NUP93: variants seen among roughly 807,000 people sequenced by gnomAD.
NUP93 encodes nucleoporin 93.
A neutral mutation model predicts 107.8 loss-of-function variants in NUP93; 55 were observed. The ratio of observed to expected loss-of-function variants is 0.51; its 90% confidence interval spans 0.41 to 0.64. The LOEUF (loss-of-function observed/expected upper bound fraction) is 0.64, where lower values mean the gene tolerates loss of function less well. Ranked by LOEUF, NUP93 falls within the 30% of genes least tolerant of loss-of-function variation. NUP93 has a pLI of 0.00. For synonymous variants in NUP93, 390 were observed against 397.5 expected, an observed-to-expected ratio of 0.98 and a Z score of 0.22; for missense variants, 937 against 1,044.7, an observed-to-expected ratio of 0.90 and a Z score of 1.42.
Position 56,832,038 on chromosome 16 carries a change from C to G in NUP93, c.1251+31C>G, listed in dbSNP as rs200526793. On this transcript the variant is annotated intron_variant, in intron 11 of 21. Coordinates refer to ENST00000308159, the MANE Select transcript of NUP93 (RefSeq NM_014669.5). ...CACTGTTTCCCCTGCCCACATAGGG[C>G]TTTACCCCTTTTCTGTGCTCAAGTC... 1.3e-4 allele frequency: 215 copies of G among 1,611,252 alleles called. No homozygotes were observed. The African/African-American group carries it at 2.3e-3, about 18-fold the overall frequency.
intron 1 of NUP93, among the ~76,000 whole-genome samples, chr16:56,737,837 C>T (rs779002134): frequency 2.6e-5 from 4 of 152,150 alleles, no homozygotes; most frequent in African/African-American, 4.8e-5. Flanking sequence ...TGTTAGAATC[C>T]GCACACCTTC....
intron 5 of NUP93, among the ~76,000 whole-genome samples, chr16:56,813,787 A>G (rs1963363517): frequency 6.6e-6 from 1 of 152,216 alleles, no homozygotes; most frequent in South Asian, 2.1e-4. Flanking sequence ...TACATATTTT[A>G]CAACTTCTCC....
At chr16:56,738,081 G>C (rs1318010758) in intron 1 of NUP93, among the ~76,000 whole-genome samples, 1 of 152,218 alleles carries the variant, frequency 6.6e-6, no homozygotes, top group Non-Finnish European at 1.5e-5. Context: ...AAATGGGGCT[G>C]TTTCCCAGGA....
At chr16:56,756,495 G>A (rs918519337) in intron 2 of NUP93, among the ~76,000 whole-genome samples, 19 of 151,962 alleles carry the variant, frequency 1.3e-4, no homozygotes, top group Admixed American at 5.2e-4. Context: ...ATGGCTGCGT[G>A]GTATTCCATG....
intron 8 of NUP93, among the ~76,000 whole-genome samples, chr16:56,826,976 G>C (rs1245682642): frequency 1.9e-4 from 28 of 143,870 alleles, no homozygotes; most frequent in African/African-American, 7.1e-4. Flanking sequence ...AACCCGGTGG[G>C]CAGAGGTTGC....
chr16:56,767,114 C>G (rs1962229360), intron 3 of NUP93, among the ~76,000 whole-genome samples: 1 of 152,254 alleles, frequency 6.6e-6, no homozygotes, highest in Admixed American at 6.5e-5. Flanking sequence ...GCCCTTGATT[C>G]TGACAGCTGC....
chr16:56,798,606 A>G lies in NUP93; in HGVS notation c.360+68A>G, dbSNP rs1051016024. On this transcript the variant is annotated intron_variant, in intron 4 of 21. Transcript: ENST00000308159. Reference sequence around the variant, plus strand: ...AAGAGGGCTGGGCGTGGTGGCTCACATCTGTAATCCTAACACTTTGGGAGG... The same window carrying G: ...AAGAGGGCTGGGCGTGGTGGCTCACGTCTGTAATCCTAACACTTTGGGAGG... 10 of 1,271,704 alleles carry G rather than the reference A, an allele frequency of 7.9e-6. No individual in the cohort carries two copies. The African/African-American group carries it at 1.5e-4, about 19-fold the overall frequency. The allele number at this position is 1,271,704 out of a possible 1,614,324, so 78.8% of individuals were successfully genotyped here. A position where few individuals can be genotyped will look rare whatever the true frequency, so the allele number is the denominator to read the frequency against.
chr16:56,801,447 C>T (rs1307372056), intron 4 of NUP93, among the ~76,000 whole-genome samples: 1 of 152,162 alleles, frequency 6.6e-6, no homozygotes, highest in African/African-American at 2.4e-5. Context: ...GGGTCTTGCT[C>T]TGTCACCCAG....
chr16:56,833,095 G>C lies in NUP93; in HGVS notation c.1346-120G>C, dbSNP rs1963828781. ...CCTTGATCAATTCAGACTCAATCTG[G>C]TGCTTTCTTCCTGTCCAGCAAGTCC... On this transcript the variant is annotated intron_variant, in intron 12 of 21. Coordinates refer to ENST00000308159, the MANE Select transcript of NUP93 (RefSeq NM_014669.5). 6.3e-6 allele frequency: 5 copies of C among 799,264 alleles called. No homozygotes were observed. The Admixed American group carries it at 1.3e-4, about 21-fold the overall frequency. 49.5% of individuals were successfully genotyped at this position (799,264 alleles called of 1,614,324 possible).
chr16:56,827,069 A>ATAAAAAAT (rs1963682285), intron 8 of NUP93, among the ~76,000 whole-genome samples: 1 of 125,664 alleles, frequency 8.0e-6, no homozygotes, highest in Admixed American at 9.4e-5. Context: ...AAAAAAAAAA[A>ATAAAAAAT]TTTTGTTGAG....
Position 56,844,928 on chromosome 16 carries a change from T to A in NUP93, c.*319T>A, listed in dbSNP as rs182559979. On this transcript the variant is annotated 3_prime_UTR_variant, in exon 22 of 22. Coordinates refer to ENST00000308159, the MANE Select transcript of NUP93 (RefSeq NM_014669.5). ...TAAATTGACCTTAATTAATTAAAAATCTACCCAAAATGAGCCAGGAAACAA... is the reference window on the plus strand; with the variant it reads ...TAAATTGACCTTAATTAATTAAAAAACTACCCAAAATGAGCCAGGAAACAA... 2.7e-6 allele frequency: 1 copy of A among 373,530 alleles called. No individual in the cohort carries two copies. The highest frequency in any genetic ancestry group is 4.6e-5 in the Admixed American group (1 of 21,968). The allele number at this position is 373,530 out of a possible 1,614,324, so 23.1% of individuals were successfully genotyped here.
chr16:56,794,090 GTAGA>G (rs369592998), intron 3 of NUP93, among the ~76,000 whole-genome samples: 6,967 of 75,900 alleles, frequency 0.092, 196 homozygotes, highest in Middle Eastern at 0.26. Context: ...AGGTAGGTAG[GTAGA>G]TAGATAGATA....
chr16:56,827,899 C>T (rs566851520), intron 8 of NUP93, among the ~76,000 whole-genome samples: 1 of 152,238 alleles, frequency 6.6e-6, no homozygotes, highest in South Asian at 2.1e-4. Context: ...GCGGGAGGAT[C>T]ACTTGAGGTC....
intron 9 of NUP93, among the ~76,000 whole-genome samples, chr16:56,829,657 A>G (rs2144626651): frequency 6.6e-6 from 1 of 152,312 alleles, no homozygotes; most frequent in East Asian, 1.9e-4. Flanking sequence ...AGTTTTGGAA[A>G]AGAGTATTCC....
At chr16:56,790,395 A>G (rs1162355706) in intron 3 of NUP93, among the ~76,000 whole-genome samples, 1 of 152,182 alleles carries the variant, frequency 6.6e-6, no homozygotes, top group African/African-American at 2.4e-5. Flanking sequence ...TCAGTAATGA[A>G]CATCTCTTTG....
chr16:56,751,446 T>C (rs1318868001), intron 2 of NUP93, among the ~76,000 whole-genome samples: 1 of 152,170 alleles, frequency 6.6e-6, no homozygotes, highest in Non-Finnish European at 1.5e-5. Context: ...CCTGTGAAAG[T>C]GTTATCTGTG....
Position 56,763,527 on chromosome 16 carries a change from T to C in NUP93, c.297+4872T>C, listed in dbSNP as rs377275792. Among the ~76,000 whole-genome samples, 3 of 126,426 alleles carry C rather than the reference T, an allele frequency of 2.4e-5. No homozygotes were observed. In the South Asian group the frequency reaches 7.7e-4, roughly 32 times the overall value. The allele number at this position is 126,426 out of a possible 152,430, so 82.9% of individuals were successfully genotyped here. A position where few individuals can be genotyped will look rare whatever the true frequency, so the allele number is the denominator to read the frequency against. Reference sequence around the variant, plus strand: ...GGGTGTGTGTGTGTATGTGTGGGTGTGTGTGTGTGTGTATGTAAATGCCCA... The same window carrying C: ...GGGTGTGTGTGTGTATGTGTGGGTGCGTGTGTGTGTGTATGTAAATGCCCA... On this transcript the variant is annotated intron_variant, in intron 3 of 21. Transcript: ENST00000308159.
chr16:56,768,291 C>T (rs1250885372), intron 3 of NUP93, among the ~76,000 whole-genome samples: 1 of 152,170 alleles, frequency 6.6e-6, no homozygotes, highest in African/African-American at 2.4e-5. Context: ...TGGCTGGGCG[C>T]AGTGGCTCAC....
Position 56,849,532 on chromosome 16 carries a change from T to C in NUP93, c.*4923T>C, listed in dbSNP as rs1438112736. ...GAGGGGACTTCAGCATCAGGACATA[T>C]GCTTTGGTGGCCTCAGCAGACCTGG... On this transcript the variant is annotated 3_prime_UTR_variant, in exon 22 of 22. Coordinates refer to ENST00000308159, the MANE Select transcript of NUP93 (RefSeq NM_014669.5). 2 of 152,226 alleles carry C rather than the reference T, an allele frequency of 1.3e-5. No individual in the cohort carries two copies. Among genetic ancestry groups the C allele is most frequent in the East Asian group, 1.9e-4 (1 of 5,196 alleles). The allele number at this position is 152,226 out of a possible 1,614,324, so 9.4% of individuals were successfully genotyped here. A position where few individuals can be genotyped will look rare whatever the true frequency, so the allele number is the denominator to read the frequency against.
Sources: gnomAD v4.1 joint callset for allele counts (sites outside exome capture counted in the v4.1 genomes callset) on GRCh38, gnomAD v4.1.1 for gene constraint, MANE v1.5 for transcripts, NCBI Gene and HGNC (gene_info 2026-07-23, HGNC 2026-07-21) for gene names.